USO1: variants seen among roughly 807,000 people sequenced by gnomAD.
USO1 encodes USO1 vesicle transport factor, also known as general vesicular transport factor p115.
In USO1, 57 loss-of-function variants were observed where a neutral mutation model predicts 124.5. The ratio of observed to expected loss-of-function variants is 0.46; its 90% CI spans 0.37 to 0.57. USO1 has a LOEUF of 0.57. Ranked by LOEUF, USO1 falls within the 20% of genes least tolerant of loss-of-function variation. The probability of loss-of-function intolerance (pLI) is 0.00; values close to 1 mark genes in which losing one functional copy is unlikely to be tolerated. For synonymous variants in USO1, 369 were observed against 362.8 expected, an observed-to-expected ratio of 1.02 and a Z score of -0.19; for missense variants, 900 against 1,040.6, an observed-to-expected ratio of 0.86 and a Z score of 1.86.
At chr4:75,810,391 A>G in intron 21 of USO1, 41 bp from the exon 22 acceptor site, 6 of 1,544,926 alleles carry the variant, frequency 3.9e-6, no homozygotes, top group Non-Finnish European at 5.2e-6. Flanking sequence ...TATTGATTGT[A>G]ATGTTTAAGA....
rs966348441 is a variant in USO1 at position 75,787,199 on chromosome 4, T to G, written c.993T>G (p.Thr331=). ...CTGGGGTTCCTGCTGATATCCTGAC[T>G]GAGGTAAAGCAAATGAAGTCAAAGC... ...MATGVPADIL[T]ETINTVSEVI... is the part of the protein sequence containing the mutation. The change falls in exon 10 of 24, where the codon ACT becomes ACG. Residue 331 remains threonine (T), a synonymous_variant. Transcript: ENST00000514213. 9 of 1,531,090 alleles carry G rather than the reference T, an allele frequency of 5.9e-6. No individual in the cohort carries two copies. The highest frequency in any genetic ancestry group is 7.9e-6 in the Non-Finnish European group (9 of 1,143,224). 94.8% of individuals were successfully genotyped at this position (1,531,090 alleles called of 1,614,324 possible).
chr4:75,745,923 A>G (rs1329111396), intron 1 of USO1, among the ~76,000 whole-genome samples: 1 of 151,884 alleles, frequency 6.6e-6, no homozygotes, highest in Non-Finnish European at 1.5e-5. Flanking sequence ...AAAAAAAACG[A>G]AAAAAACAGT....
intron 17 of USO1, 119 bp from the exon 18 acceptor site, chr4:75,804,015 G>A (rs572273655): frequency 7.7e-7 from 1 of 1,291,640 alleles, no homozygotes; most frequent in Non-Finnish European, 1.0e-6. Context: ...AACGATTTTG[G>A]AAGTGTTAAG....
chr4:75,774,586 G>T, intron 7 of USO1, 90 bp from the exon 8 acceptor site: 1 of 1,457,936 alleles, frequency 6.9e-7, no homozygotes, highest in East Asian at 2.4e-5. Context: ...CAAAATCTCT[G>T]CCAGTTCTAA....
At chr4:75,810,388 T>C in intron 21 of USO1, 44 bp from the exon 22 acceptor site, 1 of 1,540,146 alleles carries the variant, frequency 6.5e-7, no homozygotes, top group South Asian at 1.3e-5. Flanking sequence ...TCATATTGAT[T>C]GTAATGTTTA....
At chr4:75,812,090 CTA>C in intron 22 of USO1, 68 bp from the exon 23 acceptor site, 1 of 1,537,742 alleles carries the variant, frequency 6.5e-7, no homozygotes, top group Non-Finnish European at 8.7e-7. Context: ...TAGAAAGAAA[CTA>C]TTTGTTAAAA....
At chr4:75,750,557 C>T (rs1325092769) in intron 1 of USO1, among the ~76,000 whole-genome samples, 3 of 151,990 alleles carry the variant, frequency 2.0e-5, no homozygotes, top group Admixed American at 6.6e-5. Flanking sequence ...GATCTTAGCT[C>T]GCTGCAACCT....
In USO1 at chr4:75,787,085, C is replaced by T. The variant is rs200661295; in HGVS notation, c.879C>T (p.Pro293=). Residue 293 remains proline, a synonymous_variant, in exon 10 of 24, where the codon CCC becomes CCT. Transcript: ENST00000514213. ...AGCTTGTTCGTGTATTGGTATCTCC[C>T]ACCAACCCTCCTGGTGCTACCAGTA... ...MLQLVRVLVS[P]TNPPGATSSC... is the part of the protein sequence containing the mutation. 10 of 1,596,438 alleles carry T rather than the reference C, an allele frequency of 6.3e-6. No homozygotes were observed. The highest frequency in any genetic ancestry group is 7.7e-6 in the Non-Finnish European group (9 of 1,174,074).
intron 7 of USO1, among the ~76,000 whole-genome samples, chr4:75,774,308 G>A (rs1479137225): frequency 6.6e-6 from 1 of 152,190 alleles, no homozygotes; most frequent in Middle Eastern, 3.2e-3. Flanking sequence ...CATTATTACT[G>A]TTGTGAAGCA....
chr4:75,807,314 C>T (rs999831718), intron 20 of USO1, among the ~76,000 whole-genome samples: 2 of 151,414 alleles, frequency 1.3e-5, no homozygotes, highest in African/African-American at 2.4e-5. Context: ...CCTCTCTTTT[C>T]TTCTCTCTCT....
intron 9 of USO1, 146 bp downstream of exon 9, chr4:75,783,004 AT>A: frequency 8.7e-7 from 1 of 1,143,092 alleles, no homozygotes; most frequent in Admixed American, 3.5e-5. Context: ...ATTTGCAGTT[AT>A]CCTCTAGCTA....
chr4:75,734,549 G>A (rs1475138100), intron 1 of USO1, among the ~76,000 whole-genome samples: 1 of 151,980 alleles, frequency 6.6e-6, no homozygotes, highest in African/African-American at 2.4e-5. Context: ...TTGAAGTGGG[G>A]TAGTGTGATT....
intron 20 of USO1, 22 bp from the exon 21 acceptor site, chr4:75,808,931 C>G: frequency 6.4e-7 from 1 of 1,570,216 alleles, no homozygotes. Flanking sequence ...AATGTTATGA[C>G]TCAACTATTT....
chr4:75,726,195 C>T (rs13147276), intron 1 of USO1, among the ~76,000 whole-genome samples: 78,741 of 150,010 alleles, frequency 0.52, 22,525 homozygotes, highest in East Asian at 0.81. Context: ...GCAGGAGAAT[C>T]GCTTGAACTC....
intron 3 of USO1, chr4:75,755,313 A>C: frequency 2.4e-6 from 1 of 409,038 alleles, no homozygotes; most frequent in Non-Finnish European, 4.8e-6. Flanking sequence ...GACATAGTTT[A>C]AAACAATCGT....
chr4:75,734,864 G>T (rs1720744098), intron 1 of USO1, among the ~76,000 whole-genome samples: 1 of 151,198 alleles, frequency 6.6e-6, no homozygotes, highest in Admixed American at 6.6e-5. Flanking sequence ...AAGTAGCTGG[G>T]ATTACAGGCA....
rs1469601609 is a variant in USO1, at chr4:75,806,615, A to T, written c.2376+43A>T. 4 of 1,542,274 alleles carry T rather than the reference A, an allele frequency of 2.6e-6. No individual in the cohort carries two copies. In the Admixed American group the frequency reaches 8.2e-5, roughly 31 times the overall value. On this transcript the variant is annotated intron_variant, in intron 20 of 23. Coordinates refer to ENST00000514213, the MANE Select transcript of USO1 (RefSeq NM_003715.4). ...TCCAATTCTACTTTGTCATGTTTTA[A>T]TTATAATAGAATAACAGCCCTATAG...
At chr4:75,741,601 C>CTTTTTTTTTT in intron 1 of USO1, among the ~76,000 whole-genome samples, 1 of 78,854 alleles carries the variant, frequency 1.3e-5, no homozygotes, top group Non-Finnish European at 2.2e-5. Flanking sequence ...ACTTTTTAAA[C>CTTTTTTTTTT]TTTTTTTTTT....
At chr4:75,806,045 G>T (rs892765063) in intron 19 of USO1, among the ~76,000 whole-genome samples, 3 of 151,946 alleles carry the variant, frequency 2.0e-5, no homozygotes, top group Non-Finnish European at 4.4e-5. Flanking sequence ...AGTCTGGAGC[G>T]CAGTGGCACA....
Sources: gnomAD v4.1 joint callset for allele counts (sites outside exome capture counted in the v4.1 genomes callset) on GRCh38, gnomAD v4.1.1 for gene constraint, MANE v1.5 for transcripts, NCBI Gene and HGNC (gene_info 2026-07-23, HGNC 2026-07-21) for gene names.